Variants in SLC25A26 observed in about 807,000 individuals in gnomAD.
SLC25A26 encodes mitochondrial S-adenosylmethionine carrier protein.
SLC25A26 carries 36 observed loss-of-function variants against 37.8 expected under a neutral mutation model. The ratio of observed to expected loss-of-function variants is 0.95; its 90% CI spans 0.73 to 1.26. SLC25A26 has a LOEUF of 1.26. SLC25A26 is among the 50% of genes most tolerant of loss of function. SLC25A26 has a pLI of 0.00. For synonymous variants in SLC25A26, 129 were observed against 122.5 expected (o/e 1.05, Z -0.35); for missense variants, 390 against 331.1 (o/e 1.18, Z -1.38).
At chr3:66,177,143 G>A (rs908095896) in intron 1 of SLC25A26, among the ~76,000 whole-genome samples, 2 of 152,288 alleles carry the variant, frequency 1.3e-5, no homozygotes, top group Non-Finnish European at 2.9e-5. Flanking sequence ...TCAAAAGAAA[G>A]GCCATCTGGG....
chr3:66,210,519 CT>C (rs1208164653), intron 1 of SLC25A26, among the ~76,000 whole-genome samples: 5 of 149,182 alleles, frequency 3.4e-5, no homozygotes, highest in East Asian at 2.0e-4. Context: ...AACTGTGACT[CT>C]TTTTTTTTTC....
chr3:66,251,701 A>C (rs2073091414), intron 3 of SLC25A26, among the ~76,000 whole-genome samples: 1 of 152,104 alleles, frequency 6.6e-6, no homozygotes, highest in Non-Finnish European at 1.5e-5. Context: ...TGCTGAAGAG[A>C]TTTATCAGTG....
At chr3:66,254,257 G>A (rs1303660880) in intron 3 of SLC25A26, among the ~76,000 whole-genome samples, 2 of 152,190 alleles carry the variant, frequency 1.3e-5, no homozygotes, top group African/African-American at 4.8e-5. Context: ...TGTTGTAGAG[G>A]TTTTTGATTT....
chr3:66,244,789 C>A (rs1680399), intron 3 of SLC25A26, among the ~76,000 whole-genome samples: 4 of 151,408 alleles, frequency 2.6e-5, no homozygotes, highest in African/African-American at 9.7e-5. Context: ...TGGCTAACAC[C>A]GTGAAACCCC....
chr3:66,220,995 C>A, upstream of SLC25A26: 1 of 1,326,338 alleles, frequency 7.5e-7, no homozygotes, highest in South Asian at 1.3e-5. Context: ...CCCGGAAGTT[C>A]AAGACAGACC....
intron 7 of SLC25A26, among the ~76,000 whole-genome samples, chr3:66,369,063 CAA>C (rs869096319): frequency 1.3e-4 from 3 of 23,462 alleles, no homozygotes; most frequent in African/African-American, 2.1e-4. Context: ...AAAAAAAAAA[CAA>C]AAGACAGTGG....
At chr3:66,249,717 C>T (rs2073004718) in intron 3 of SLC25A26, among the ~76,000 whole-genome samples, 1 of 152,188 alleles carries the variant, frequency 6.6e-6, no homozygotes, top group Non-Finnish European at 1.5e-5. Flanking sequence ...CACATCTCTG[C>T]ACAGTTGTAT....
chr3:66,193,352 T>G (rs2070981748), intron 1 of SLC25A26, among the ~76,000 whole-genome samples: 1 of 152,218 alleles, frequency 6.6e-6, no homozygotes, highest in Non-Finnish European at 1.5e-5. Context: ...AGGTTCCTTT[T>G]TTTGTCAACA....
Position 66,170,791 on chromosome 3 carries a change from G to GTTTTTTTTT in SLC25A26, c.-354+36829_-354+36837dup, listed in dbSNP as rs36147154. Among the ~76,000 whole-genome samples the GTTTTTTTTT allele has an allele frequency of 1.6e-3, 79 of 50,906 alleles. 4 individuals are homozygous for GTTTTTTTTT. The highest frequency in any genetic ancestry group is 2.4e-3 in the East Asian group (3 of 1,238). 33.4% of individuals were successfully genotyped at this position (50,906 alleles called of 152,430 possible). A position where few individuals can be genotyped will look rare whatever the true frequency, so the allele number is the denominator to read the frequency against. On this transcript the variant is annotated intron_variant, in intron 1 of 10. Coordinates refer to the SLC25A26 transcript ENST00000676754. ...CAAACATTTAATAGATGTGATTATT[G>GTTTTTTTTT]TTTTTTTTTTTTTTTTTTTTTTTTT...
intron 5 of SLC25A26, among the ~76,000 whole-genome samples, chr3:66,306,067 C>T (rs563278477): frequency 1.6e-4 from 25 of 152,116 alleles, no homozygotes; most frequent in Non-Finnish European, 3.4e-4. Context: ...TCACTTTAAC[C>T]TCTGCCTGCC....
intron 3 of SLC25A26, among the ~76,000 whole-genome samples, chr3:66,254,551 A>G (rs17044221): frequency 0.045 from 6,792 of 152,326 alleles, 361 homozygotes; most frequent in Admixed American, 0.15. Context: ...TGAATTGGTT[A>G]TAGAGTTGCC....
intron 1 of SLC25A26, 134 bp downstream of exon 1, chr3:66,221,261 A>G (rs997073618): frequency 3.0e-6 from 3 of 1,009,456 alleles, no homozygotes; most frequent in Admixed American, 3.5e-5. Flanking sequence ...GCCAGGTCTG[A>G]GAGGGAGCAC....
chr3:66,269,203 T>G (rs932254850), intron 5 of SLC25A26, among the ~76,000 whole-genome samples: 1 of 152,252 alleles, frequency 6.6e-6, no homozygotes, highest in Non-Finnish European at 1.5e-5. Flanking sequence ...GATAGCAGTA[T>G]AGCCTGCTAG....
intron 1 of SLC25A26, among the ~76,000 whole-genome samples, chr3:66,160,052 G>T (rs1467332211): frequency 6.6e-6 from 1 of 152,044 alleles, no homozygotes; most frequent in Non-Finnish European, 1.5e-5. Flanking sequence ...ACCCAGGCTG[G>T]AGTGCAGTGG....
intron 1 of SLC25A26, among the ~76,000 whole-genome samples, chr3:66,204,465 G>C: frequency 7.2e-6 from 1 of 139,324 alleles, no homozygotes; most frequent in East Asian, 2.0e-4. Flanking sequence ...GAAAGAAAAA[G>C]AAAAAAGAAA....
At chr3:66,295,295 C>G (rs1021267132) in intron 5 of SLC25A26, among the ~76,000 whole-genome samples, 12 of 152,156 alleles carry the variant, frequency 7.9e-5, no homozygotes, top group African/African-American at 2.9e-4. Context: ...GCGATCTCAG[C>G]TCACTGCAAG....
chr3:66,137,331 A>G (rs1044555830), intron 1 of SLC25A26, among the ~76,000 whole-genome samples: 6 of 151,284 alleles, frequency 4.0e-5, no homozygotes, highest in Non-Finnish European at 8.8e-5. Context: ...GGTTCAAGCA[A>G]TTCTTCTGCC....
At chr3:66,295,915 G>A (rs1003381916) in intron 5 of SLC25A26, among the ~76,000 whole-genome samples, 14 of 151,838 alleles carry the variant, frequency 9.2e-5, no homozygotes, top group African/African-American at 3.4e-4. Context: ...TCAGGAGTTC[G>A]AGACCAGCCT....
chr3:66,141,314 C>T (rs1340378103), intron 1 of SLC25A26, among the ~76,000 whole-genome samples: 2 of 151,518 alleles, frequency 1.3e-5, no homozygotes, highest in African/African-American at 4.9e-5. Flanking sequence ...TGTGGTCTGG[C>T]CTCGAGGGCT....
Sources: allele counts gnomAD v4.1 joint callset (sites outside exome capture counted in the v4.1 genomes callset), GRCh38; gene constraint gnomAD v4.1.1; transcripts MANE v1.5; gene names NCBI Gene and HGNC (gene_info 2026-07-23, HGNC 2026-07-21).